Variants in KIF16B observed in about 807,000 individuals in gnomAD.
KIF16B encodes the protein kinesin-like protein KIF16B.
A neutral mutation model predicts 156.3 loss-of-function variants in KIF16B; 98 were observed. That is an observed-to-expected ratio of 0.63 (90% confidence interval 0.53 to 0.74). The LOEUF (loss-of-function observed/expected upper bound fraction) is 0.74. Among genes scored for constraint, KIF16B ranks in the 30% least tolerant of loss-of-function variants. The probability of loss-of-function intolerance (pLI) is 0.00; values close to 1 mark genes in which losing one functional copy is unlikely to be tolerated. For synonymous variants in KIF16B, 564 were observed against 583.7 expected, an observed-to-expected ratio of 0.97 and a Z score of 0.49; for missense variants, 1,421 against 1,606.5, an observed-to-expected ratio of 0.88 and a Z score of 1.97.
chr20:16,429,814 T>C (rs2066451309), intron 13 of KIF16B, 49 bp downstream of exon 13: 1 of 1,537,376 alleles, frequency 6.5e-7, no homozygotes, highest in Non-Finnish European at 8.9e-7. Flanking sequence ...TAGTGTCTAA[T>C]GGAGAAACTG....
intron 12 of KIF16B, among the ~76,000 whole-genome samples, chr20:16,430,429 C>T (rs150722419): frequency 3.3e-5 from 5 of 152,244 alleles, no homozygotes; most frequent in African/African-American, 1.2e-4. Flanking sequence ...ACCTGGTCCT[C>T]TGCCTCCTGT....
At chr20:16,346,769 A>C (rs913029418) in intron 23 of KIF16B, among the ~76,000 whole-genome samples, 1 of 152,218 alleles carries the variant, frequency 6.6e-6, no homozygotes, top group Non-Finnish European at 1.5e-5. Context: ...CAAGATTGTC[A>C]CTGATAAAGT....
chr20:16,311,129 G>A (rs2063613493), intron 25 of KIF16B, among the ~76,000 whole-genome samples: 1 of 152,156 alleles, frequency 6.6e-6, no homozygotes, highest in South Asian at 2.1e-4. Flanking sequence ...ATCCAGAAAG[G>A]GCTCTCTCAG....
chr20:16,273,209 G>C lies in KIF16B; in HGVS notation c.*44C>G. ...GCTGCCCTGCATCGGAGCCCGCTTC[G>C]ACGAGAAGGCACTGCTGTGGTGGTT... is the stretch of plus-strand genomic sequence containing the variant. On this transcript the variant is annotated 3_prime_UTR_variant, in exon 26 of 26. Coordinates refer to ENST00000354981, the MANE Select transcript of KIF16B (RefSeq NM_024704.5). 1.3e-6 allele frequency: 2 copies of C among 1,575,684 alleles called. No homozygotes were observed. Among genetic ancestry groups the C allele is most frequent in the Non-Finnish European group, 1.7e-6 (2 of 1,147,328 alleles).
intron 12 of KIF16B, among the ~76,000 whole-genome samples, chr20:16,475,128 C>T (rs997129292): frequency 1.3e-5 from 2 of 152,192 alleles, no homozygotes; most frequent in Non-Finnish European, 1.5e-5. Context: ...TTCTTCATCT[C>T]GAACTGAATA....
chr20:16,523,220 G>A (rs2069414015), intron 3 of KIF16B, among the ~76,000 whole-genome samples: 2 of 152,066 alleles, frequency 1.3e-5, no homozygotes, highest in East Asian at 3.9e-4. Flanking sequence ...ATGGGTATTC[G>A]AATAAGAAGA....
chr20:16,309,937 G>A (rs1337188362), intron 25 of KIF16B, among the ~76,000 whole-genome samples: 2 of 152,190 alleles, frequency 1.3e-5, no homozygotes, highest in African/African-American at 4.8e-5. Context: ...TCTCCAGCAT[G>A]TAGTAAGGAA....
At chr20:16,516,933 T>C (rs1272676699) in intron 3 of KIF16B, among the ~76,000 whole-genome samples, 1 of 152,182 alleles carries the variant, frequency 6.6e-6, no homozygotes. Flanking sequence ...CACTCACATC[T>C]GCCAGTCAGC....
chr20:16,340,838 T>C (rs781744856), intron 23 of KIF16B, among the ~76,000 whole-genome samples: 14 of 152,306 alleles, frequency 9.2e-5, no homozygotes, highest in Non-Finnish European at 1.6e-4. Context: ...ACTTCTCTAA[T>C]GAACTGCATA....
chr20:16,333,031 G>T (rs1397355934), intron 24 of KIF16B, among the ~76,000 whole-genome samples: 1 of 152,110 alleles, frequency 6.6e-6, no homozygotes, highest in Middle Eastern at 3.2e-3. Context: ...GCTTAATACT[G>T]TCCAGTGGCT....
At chr20:16,391,915 A>G (rs1024782679) in intron 17 of KIF16B, among the ~76,000 whole-genome samples, 1 of 152,158 alleles carries the variant, frequency 6.6e-6, no homozygotes, top group African/African-American at 2.4e-5. Flanking sequence ...GGTGATTTCT[A>G]TGGGTAGTGT....
At position 16,405,339 on chromosome 20, in the gene KIF16B, C is replaced by T. The variant is rs185341021; in HGVS notation, c.1696-438G>A. 9.9e-5 allele frequency among the ~76,000 whole-genome samples: 15 copies of T among 152,234 alleles called. No homozygotes were observed. In the East Asian group the frequency reaches 1.7e-3, roughly 18 times the overall value. On this transcript the variant is annotated intron_variant, in intron 16 of 25. Coordinates refer to ENST00000354981, the MANE Select transcript of KIF16B (RefSeq NM_024704.5). ...AAAAGTAAGAGCTTGACCTATTTTG[C>T]TTCCAAGGGAAGCTATTGGCAAACA...
chr20:16,309,879 A>G (rs1476675445), intron 25 of KIF16B, among the ~76,000 whole-genome samples: 1 of 152,230 alleles, frequency 6.6e-6, no homozygotes, highest in Middle Eastern at 3.2e-3. Context: ...ACTTAGAGGA[A>G]AGGAAATATC....
At chr20:16,553,975 T>G (rs1167314299) in intron 1 of KIF16B, among the ~76,000 whole-genome samples, 1 of 152,158 alleles carries the variant, frequency 6.6e-6, no homozygotes, top group Non-Finnish European at 1.5e-5. Context: ...CTTTTAGCAC[T>G]GATGAGCATG....
chr20:16,367,974 G>T, intron 22 of KIF16B: 5 of 1,438,490 alleles, frequency 3.5e-6, no homozygotes, highest in East Asian at 2.5e-5. Flanking sequence ...TCATTGAGCC[G>T]AGATTATCTG....
intron 22 of KIF16B, chr20:16,366,988 T>C: frequency 1.5e-6 from 2 of 1,319,344 alleles, no homozygotes; most frequent in Non-Finnish European, 1.9e-6. Flanking sequence ...ATTGTAGATA[T>C]TTAAAATATT....
chr20:16,417,062 G>A (rs758345297), intron 15 of KIF16B, among the ~76,000 whole-genome samples: 4 of 152,176 alleles, frequency 2.6e-5, no homozygotes, highest in Middle Eastern at 3.4e-3. Context: ...CCGTAGACAC[G>A]GAGACAGGCA....
intron 1 of KIF16B, among the ~76,000 whole-genome samples, chr20:16,564,287 G>A (rs1051784499): frequency 6.6e-6 from 1 of 152,202 alleles, no homozygotes; most frequent in Admixed American, 6.5e-5. Context: ...TGGCTGCATA[G>A]TATTCCATGG....
intron 11 of KIF16B, among the ~76,000 whole-genome samples, chr20:16,496,799 G>A (rs6034505): frequency 0.24 from 36,251 of 152,092 alleles, 4,953 homozygotes; most frequent in East Asian, 0.36. Flanking sequence ...ATGTTTTACT[G>A]AGGCTATTAT....
Sources: allele counts gnomAD v4.1 joint callset (sites outside exome capture counted in the v4.1 genomes callset), GRCh38; gene constraint gnomAD v4.1.1; transcripts MANE v1.5; gene names NCBI Gene and HGNC (gene_info 2026-07-23, HGNC 2026-07-21).